KNDC1: variants seen among roughly 807,000 people sequenced by gnomAD.
The protein encoded by KNDC1 is kinase non-catalytic C-lobe domain-containing protein 1.
KNDC1 carries 106 observed loss-of-function variants against 172.8 expected under a neutral mutation model. The ratio of observed to expected loss-of-function variants is 0.61; its 90% confidence interval spans 0.52 to 0.72. KNDC1 has a LOEUF of 0.72. Ranked by LOEUF, KNDC1 falls within the 30% of genes least tolerant of loss-of-function variation. The pLI is 0.00. For synonymous variants in KNDC1, 1,083 were observed against 1,062.2 expected (o/e 1.02, Z -0.38); for missense variants, 2,325 against 2,394.5 (o/e 0.97, Z 0.61).
Position 133,219,032 on chromosome 10 carries a change from C to T in KNDC1, c.4802C>T (p.Ala1601Val), listed in dbSNP as rs1391238166. The part of the protein sequence containing the change: ...LEHLAVRQSP[A>V]WRILPAKIAE... ...GGCTCACCTGTGCTTTCATTTCAGG[C>T]CTGGAGAATTCTGCCTGCAAAGATA... Residue 1601 changes from alanine to valine, a missense_variant and splice_region_variant, in exon 28 of 30, where the codon GCC (alanine) becomes GTC (valine). Coordinates refer to ENST00000304613, the MANE Select transcript of KNDC1 (RefSeq NM_152643.8). 3 of 1,614,008 alleles carry T rather than the reference C, an allele frequency of 1.9e-6. No homozygotes were observed. Among genetic ancestry groups the T allele is most frequent in the Admixed American group, 3.3e-5 (2 of 60,020 alleles).
intron 6 of KNDC1, among the ~76,000 whole-genome samples, chr10:133,187,351 G>A (rs987645866): frequency 3.9e-5 from 6 of 152,232 alleles, no homozygotes; most frequent in East Asian, 3.8e-4. Flanking sequence ...AGCCGAAGAC[G>A]CTTGGGCCAA....
chr10:133,198,574 G>A lies in KNDC1; in HGVS notation c.2070-4G>A, dbSNP rs550821331. 28 of 1,584,342 alleles carry A rather than the reference G, an allele frequency of 1.8e-5. No homozygotes were observed. Among genetic ancestry groups the A allele is most frequent in the African/African-American group, 9.4e-5 (7 of 74,626 alleles). ...GCCCCTCCTGAGCTCTGCTCCTCCC[G>A]TAGGGACCAGCCTGCCTTGGCCCAG... On this transcript the variant is annotated splice_polypyrimidine_tract_variant and splice_region_variant and intron_variant, in intron 13 of 29. Transcript: ENST00000304613.
chr10:133,210,813 C>T lies in KNDC1; in HGVS notation c.3908+89C>T, dbSNP rs576347793. ...GGCCTGGTTTAGCCACCATGAAGAA[C>T]GAGGTGGTCCCTGGCGACCCAAGGG... On this transcript the variant is annotated intron_variant, in intron 21 of 29. Transcript: ENST00000304613. The T allele has an allele frequency of 4.0e-3, 4,479 of 1,107,220 alleles. 24 individuals are homozygous for T. The highest frequency in any genetic ancestry group is 4.5e-3 in the Non-Finnish European group (3,213 of 720,886). The allele number at this position is 1,107,220 out of a possible 1,614,324, so 68.6% of individuals were successfully genotyped here. A position where few individuals can be genotyped will look rare whatever the true frequency, so the allele number is the denominator to read the frequency against.
Position 133,163,721 on chromosome 10 carries a change from G to A in KNDC1, c.102+3152G>A, listed in dbSNP as rs1405395958. Reference sequence around the variant, plus strand: ...AGTCTGCCTGGCAGTGTGGCGGGGGGTGTGGGAGCTTTCTGAATGCACAGG... The same window carrying A: ...AGTCTGCCTGGCAGTGTGGCGGGGGATGTGGGAGCTTTCTGAATGCACAGG... On this transcript the variant is annotated intron_variant, in intron 1 of 29. Transcript: ENST00000304613. This position sits in a 1 kb window ranked among gnomAD's most constrained non-coding sequence, Gnocchi z 4.4. Among the ~76,000 whole-genome samples, 3 of 152,172 alleles carry A rather than the reference G, an allele frequency of 2.0e-5. No homozygotes were observed. The highest frequency in any genetic ancestry group is 7.2e-5 in the African/African-American group (3 of 41,456).
chr10:133,211,998 G>C (rs187515900), intron 23 of KNDC1, 140 bp downstream of exon 23: 1 of 770,602 alleles, frequency 1.3e-6, no homozygotes. Context: ...CATACACATA[G>C]ACGTGTGCAC....
chr10:133,167,230 C>A, intron 1 of KNDC1, 151 bp from the exon 2 acceptor site: 2 of 706,674 alleles, frequency 2.8e-6, no homozygotes, highest in Non-Finnish European at 4.6e-6. Flanking sequence ...ACTCTTGAAA[C>A]AAAATGAGAC....
At chr10:133,193,061 CAAAA>C (rs1294818819) in intron 9 of KNDC1, among the ~76,000 whole-genome samples, 17 of 150,234 alleles carry the variant, frequency 1.1e-4, no homozygotes, top group Middle Eastern at 3.5e-3. Flanking sequence ...AAATAAAAAA[CAAAA>C]AGAGAGAGAA....
intron 28 of KNDC1, 96 bp downstream of exon 28, chr10:133,219,186 CCA>C (rs1845530392): frequency 3.5e-6 from 5 of 1,441,238 alleles, no homozygotes; most frequent in East Asian, 2.4e-5. Flanking sequence ...GACGCAGGCA[CCA>C]CAGAGTGTGT....
At chr10:133,181,764 G>T (rs1853722399) in intron 3 of KNDC1, among the ~76,000 whole-genome samples, 1 of 151,776 alleles carries the variant, frequency 6.6e-6, no homozygotes, top group African/African-American at 2.4e-5. Flanking sequence ...CCAGCTGTCT[G>T]TGTGTGCTGG....
intron 9 of KNDC1, 145 bp downstream of exon 9, chr10:133,189,958 C>G: frequency 1.4e-6 from 1 of 731,388 alleles, no homozygotes; most frequent in Non-Finnish European, 2.4e-6. Context: ...CGGTATCTGC[C>G]AGCAGGGCCG....
At chr10:133,169,836 T>C (rs1853317810) in intron 3 of KNDC1, among the ~76,000 whole-genome samples, 1 of 152,208 alleles carries the variant, frequency 6.6e-6, no homozygotes, top group African/African-American at 2.4e-5. Flanking sequence ...TTCCTAGTCA[T>C]GTCATAATCC....
intron 3 of KNDC1, among the ~76,000 whole-genome samples, chr10:133,175,225 G>A (rs1193337721): frequency 6.7e-6 from 1 of 148,316 alleles, no homozygotes; most frequent in Non-Finnish European, 1.5e-5. Context: ...ATGGATGGGT[G>A]GATGAACAAA....
chr10:133,177,514 T>C (rs1363033590), intron 3 of KNDC1, among the ~76,000 whole-genome samples: 1 of 145,716 alleles, frequency 6.9e-6, no homozygotes, highest in Admixed American at 7.0e-5. Context: ...GTCATGTGTG[T>C]AATGTGTGTG....
intron 17 of KNDC1, chr10:133,202,225 G>A (rs1461847364): frequency 6.4e-6 from 4 of 620,338 alleles, no homozygotes; most frequent in Non-Finnish European, 6.0e-6. Context: ...GTTCGGTCGT[G>A]TTTTCCGTGG....
chr10:133,213,545 C>A, intron 24 of KNDC1, 100 bp from the exon 25 acceptor site: 1 of 955,876 alleles, frequency 1.0e-6, no homozygotes, highest in Non-Finnish European at 1.6e-6. Flanking sequence ...GATTGCAGAG[C>A]TGGCCCCCCA....
At chr10:133,168,910 G>A (rs550610408) in intron 3 of KNDC1, among the ~76,000 whole-genome samples, 132 of 152,356 alleles carry the variant, frequency 8.7e-4, no homozygotes, top group Middle Eastern at 6.8e-3. Context: ...GGCAACGGCA[G>A]CCCAGCGCCT....
Position 133,218,853 on chromosome 10 carries a change from A to G in KNDC1, c.4700A>G (p.Lys1567Arg). Residue 1567 changes from lysine to arginine, a missense_variant, in exon 27 of 30, where the codon AAA becomes AGA. Lys to Arg is a conservative substitution (Grantham distance 26). Coordinates refer to ENST00000304613, the MANE Select transcript of KNDC1 (RefSeq NM_152643.8). ...CAGCTGCAGGTGAACTTGCTGTCCA[A>G]ATTTTTGCTGATTGCAAAATCTTGC... ...TSKLQVNLLSKFLLIAKSCYE... is the reference protein window; with the variant it reads ...TSKLQVNLLSRFLLIAKSCYE... The G allele has an allele frequency of 6.2e-7, 1 of 1,612,514 alleles. No homozygotes were observed. Among genetic ancestry groups the G allele is most frequent in the Non-Finnish European group, 8.5e-7 (1 of 1,178,690 alleles).
chr10:133,177,909 T>TG (rs533487532), intron 3 of KNDC1, among the ~76,000 whole-genome samples: 36 of 146,040 alleles, frequency 2.5e-4, no homozygotes, highest in East Asian at 1.2e-3. Flanking sequence ...GTGTGCAGTG[T>TG]GTGTGTGCAA....
At chr10:133,201,960 T>C (rs1171247939) in intron 17 of KNDC1, 62 bp downstream of exon 17, 1 of 1,497,086 alleles carries the variant, frequency 6.7e-7, no homozygotes, top group Non-Finnish European at 9.0e-7. Context: ...CAGAGCTTCC[T>C]GGTCACTGCA....
Sources: gnomAD v4.1 joint callset for allele counts (sites outside exome capture counted in the v4.1 genomes callset) on GRCh38, gnomAD v4.1.1 for gene constraint, Gnocchi (gnomAD v3.1) non-coding constraint, MANE v1.5 for transcripts, NCBI Gene and HGNC (gene_info 2026-07-23, HGNC 2026-07-21) for gene names.